PRKCE: variants seen among roughly 807,000 people sequenced by gnomAD.
PRKCE encodes protein kinase C epsilon type.
A neutral mutation model predicts 85.4 loss-of-function variants in PRKCE; 16 were observed. The observed-to-expected ratio is 0.19, with a 90% CI of 0.13 to 0.28. PRKCE has a LOEUF of 0.28. PRKCE is among the 10% of genes least tolerant of loss of function. The probability of loss-of-function intolerance (pLI) is 1.00; values close to 1 mark genes in which losing one functional copy is unlikely to be tolerated. For missense variants in PRKCE, 573 were observed against 975.2 expected, an observed-to-expected ratio of 0.59 and a Z score of 5.49; for synonymous variants, 388 against 371.5, an observed-to-expected ratio of 1.04 and a Z score of -0.51.
chr2:45,931,776 G>A (rs1424356645), intron 2 of PRKCE, among the ~76,000 whole-genome samples: 2 of 151,922 alleles, frequency 1.3e-5, no homozygotes, highest in South Asian at 2.1e-4. Flanking sequence ...GCGCGATTTC[G>A]GCTCACTGCA....
At chr2:46,108,096 T>C (rs1163094369) in intron 11 of PRKCE, among the ~76,000 whole-genome samples, 1 of 152,050 alleles carries the variant, frequency 6.6e-6, no homozygotes, top group Non-Finnish European at 1.5e-5. Flanking sequence ...CCTGGCTAAT[T>C]TTTTAGGGTT....
chr2:45,840,911 T>C (rs1367331635), intron 1 of PRKCE, among the ~76,000 whole-genome samples: 1 of 152,104 alleles, frequency 6.6e-6, no homozygotes, highest in African/African-American at 2.4e-5. Context: ...TCAAATGTCA[T>C]TTTAGTAGAG....
chr2:45,836,461 T>G (rs7605584), intron 1 of PRKCE, among the ~76,000 whole-genome samples: 70,566 of 152,092 alleles, frequency 0.46, 16,548 homozygotes, highest in Middle Eastern at 0.56. Flanking sequence ...ACCCCGCAGC[T>G]GCTGCTGAGT....
At chr2:46,079,284 G>A (rs1488007658) in intron 10 of PRKCE, among the ~76,000 whole-genome samples, 2 of 152,138 alleles carry the variant, frequency 1.3e-5, no homozygotes, top group African/African-American at 4.8e-5. Context: ...TCTAGGGGGT[G>A]CTAAGATACA....
At chr2:46,003,440 T>C (rs1704880437) in intron 7 of PRKCE, among the ~76,000 whole-genome samples, 1 of 152,222 alleles carries the variant, frequency 6.6e-6, no homozygotes, top group African/African-American at 2.4e-5. Flanking sequence ...TCTATTAAAA[T>C]TTACCAACAA....
In PRKCE at chr2:46,001,917, G is replaced by T. The variant is rs926477020; in HGVS notation, c.966+371G>T. Reference sequence around the variant, plus strand: ...TGTCAGTGTCTGAACTTCACCCTTGGTATCATTATAATGGAGATAAATGGG... The same window carrying T: ...TGTCAGTGTCTGAACTTCACCCTTGTTATCATTATAATGGAGATAAATGGG... On this transcript the variant is annotated intron_variant, in intron 7 of 14. Transcript: ENST00000306156. The surrounding 1 kb of genome is among the most constrained non-coding windows in gnomAD (Gnocchi z 4.4). 6.6e-6 allele frequency among the ~76,000 whole-genome samples: 1 copy of T among 152,148 alleles called. No homozygotes were observed. The highest frequency in any genetic ancestry group is 1.5e-5 in the Non-Finnish European group (1 of 68,032).
At chr2:45,950,258 A>G (rs1700533549) in intron 2 of PRKCE, among the ~76,000 whole-genome samples, 1 of 152,212 alleles carries the variant, frequency 6.6e-6, no homozygotes, top group Non-Finnish European at 1.5e-5. Flanking sequence ...CTGAAAATCA[A>G]TATATTTACC....
intron 2 of PRKCE, among the ~76,000 whole-genome samples, chr2:45,867,986 G>T (rs1021532951): frequency 6.6e-6 from 1 of 151,944 alleles, no homozygotes; most frequent in Admixed American, 6.6e-5. Context: ...TTAAAAAGAG[G>T]GCGTATCATT....
Position 45,969,699 on chromosome 2 carries a change from G to T in PRKCE, c.413-6730G>T, listed in dbSNP as rs1378585780. On this transcript the variant is annotated intron_variant, in intron 2 of 14. Transcript: ENST00000306156. ...TCATTACCTAATACTTTTTAGGCAA[G>T]TGAAAGCTTTAAAAAGTCACTAAAG... Among the ~76,000 whole-genome samples the T allele has an allele frequency of 5.3e-5, 8 of 152,294 alleles. No individual in the cohort carries two copies. In the East Asian group the frequency reaches 1.5e-3, roughly 29 times the overall value.
rs1697349641 is a variant in PRKCE at position 45,911,099 on chromosome 2, C to T, written c.413-65330C>T. ...GCCATGTGCAGGCCTTTGTTTCAAACCCTAGCAAAGGCTTGAGCATTCTGC... is the reference window on the plus strand; with the variant it reads ...GCCATGTGCAGGCCTTTGTTTCAAATCCTAGCAAAGGCTTGAGCATTCTGC... On this transcript the variant is annotated intron_variant, in intron 2 of 14. Coordinates refer to ENST00000306156, the MANE Select transcript of PRKCE (RefSeq NM_005400.3). Among the ~76,000 whole-genome samples, 2 of 152,196 alleles carry T rather than the reference C, an allele frequency of 1.3e-5. 1 individual carries two copies. The highest frequency in any genetic ancestry group is 1.3e-4 in the Admixed American group (2 of 15,282).
At chr2:45,718,178 T>C (rs902883072) in intron 1 of PRKCE, among the ~76,000 whole-genome samples, 3 of 152,118 alleles carry the variant, frequency 2.0e-5, no homozygotes, top group African/African-American at 7.2e-5. Context: ...GCCCACTAAA[T>C]GTCAATAGCA....
intron 1 of PRKCE, among the ~76,000 whole-genome samples, chr2:45,792,982 A>G (rs1273084667): frequency 2.6e-5 from 4 of 152,162 alleles, no homozygotes; most frequent in Non-Finnish European, 4.4e-5. Flanking sequence ...TATTTTTAGT[A>G]GAGACGGGGT....
chr2:45,844,897 G>A (rs1691652770), intron 2 of PRKCE, among the ~76,000 whole-genome samples: 1 of 151,820 alleles, frequency 6.6e-6, no homozygotes, highest in South Asian at 2.1e-4. Context: ...ACAGCTTATT[G>A]CATGTGAATA....
In PRKCE at chr2:45,697,145, A is replaced by C. The variant is rs774867941; in HGVS notation, c.348+44697A>C. Among the ~76,000 whole-genome samples, 11 of 152,362 alleles carry C rather than the reference A, an allele frequency of 7.2e-5. No individual in the cohort carries two copies. The highest frequency in any genetic ancestry group is 4.1e-4 in the South Asian group (2 of 4,824). ...TTCTAATACTTAGGAACATGCCTCC[A>C]AATAAGATGAAATGCTCTAGTGTAG... On this transcript the variant is annotated intron_variant, in intron 1 of 14. Transcript: ENST00000306156. This position sits in a 1 kb window ranked among gnomAD's most constrained non-coding sequence, Gnocchi z 4.2.
At chr2:46,008,882 T>A (rs771598580) in intron 9 of PRKCE, among the ~76,000 whole-genome samples, 1 of 152,164 alleles carries the variant, frequency 6.6e-6, no homozygotes, top group African/African-American at 2.4e-5. Flanking sequence ...ATTTAGGTTA[T>A]CTCTTAGGAA....
chr2:46,019,299 A>T (rs1184931667), intron 10 of PRKCE, among the ~76,000 whole-genome samples: 6 of 152,138 alleles, frequency 3.9e-5, no homozygotes, highest in Non-Finnish European at 8.8e-5. Context: ...AAAGCTATGC[A>T]CATCGGGAGA....
intron 1 of PRKCE, chr2:45,700,784 G>C (rs1678570634): frequency 6.6e-6 from 1 of 152,194 alleles, no homozygotes; most frequent in Non-Finnish European, 1.5e-5. Flanking sequence ...ACTGGGGTAG[G>C]CTCGGATCCA....
intron 2 of PRKCE, among the ~76,000 whole-genome samples, chr2:45,945,596 C>G (rs1700190005): frequency 6.6e-6 from 1 of 152,222 alleles, no homozygotes; most frequent in Non-Finnish European, 1.5e-5. Flanking sequence ...ACAGCCGTCA[C>G]TGGTTGAGCA....
intron 3 of PRKCE, among the ~76,000 whole-genome samples, chr2:45,977,365 G>A (rs548657794): frequency 3.2e-4 from 49 of 152,106 alleles, no homozygotes; most frequent in African/African-American, 1.1e-3. Context: ...GCACAAGTGC[G>A]GTGGCTGATG....
Sources: allele counts gnomAD v4.1 joint callset (sites outside exome capture counted in the v4.1 genomes callset), GRCh38; gene constraint gnomAD v4.1.1; non-coding constraint Gnocchi (gnomAD v3.1); transcripts MANE v1.5; gene names NCBI Gene and HGNC (gene_info 2026-07-23, HGNC 2026-07-21).